The following KIF26B variants were observed in gnomAD, a reference collection of about 807,000 sequenced individuals.
KIF26B encodes kinesin-like protein KIF26B.
In KIF26B, 63 loss-of-function variants were observed where a neutral mutation model predicts 151.2. That is an observed-to-expected ratio of 0.42 (90% confidence interval 0.34 to 0.51). The LOEUF is 0.51. Ranked by LOEUF, KIF26B falls within the 20% of genes least tolerant of loss-of-function variation. The pLI, the probability that KIF26B is intolerant of heterozygous loss-of-function variation, is 0.07. For synonymous variants in KIF26B, 1,357 were observed against 1,262.1 expected, an observed-to-expected ratio of 1.08 and a Z score of -1.59; for missense variants, 2,813 against 2,913.6, an observed-to-expected ratio of 0.97 and a Z score of 0.79.
intron 4 of KIF26B, among the ~76,000 whole-genome samples, chr1:245,423,806 T>C (rs1658558652): frequency 6.6e-6 from 1 of 152,190 alleles, no homozygotes; most frequent in Non-Finnish European, 1.5e-5. Context: ...TTCTCTGTGA[T>C]ATTAACCTTT....
At chr1:245,427,556 C>T (rs1658677189) in intron 4 of KIF26B, among the ~76,000 whole-genome samples, 1 of 152,100 alleles carries the variant, frequency 6.6e-6, no homozygotes, top group Non-Finnish European at 1.5e-5. Context: ...TGCGGTGAGC[C>T]AAGATCACGC....
intron 10 of KIF26B, among the ~76,000 whole-genome samples, chr1:245,672,069 AACAC>A (rs753691441): frequency 2.6e-5 from 4 of 152,152 alleles, no homozygotes; most frequent in Non-Finnish European, 5.9e-5. Context: ...TCAATGAAGT[AACAC>A]ACACAGCCAC....
At chr1:245,331,198 G>A (rs538152764) in intron 2 of KIF26B, among the ~76,000 whole-genome samples, 125 of 152,188 alleles carry the variant, frequency 8.2e-4, no homozygotes, top group African/African-American at 2.9e-3. Context: ...GCGAGTGACC[G>A]AGACATGGAT....
intron 4 of KIF26B, among the ~76,000 whole-genome samples, chr1:245,521,301 C>T (rs1404877937): frequency 1.3e-5 from 2 of 150,840 alleles, no homozygotes; most frequent in Non-Finnish European, 2.9e-5. Flanking sequence ...CGCACCACTG[C>T]ACTCCATCCA....
chr1:245,335,623 A>G (rs536125783), intron 2 of KIF26B, among the ~76,000 whole-genome samples: 2 of 150,554 alleles, frequency 1.3e-5, no homozygotes, highest in South Asian at 2.1e-4. Context: ...GGAGAGTCCC[A>G]CGAGGGGAAA....
rs761825375 is a variant in KIF26B at position 245,218,554 on chromosome 1, T to C, written c.465+61871T>C. Among the ~76,000 whole-genome samples the C allele has an allele frequency of 2.0e-5, 3 of 152,278 alleles. No homozygotes were observed. The highest frequency in any genetic ancestry group is 2.1e-4 in the South Asian group (1 of 4,822). The stretch of plus-strand genomic sequence containing the variant: ...GGGAGATCTGAATATCAACTCTCTA[T>C]GGAAGAACAAGAACCGAGGTGTCTC... On this transcript the variant is annotated intron_variant, in intron 2 of 14. Coordinates refer to ENST00000407071, the MANE Select transcript of KIF26B (RefSeq NM_018012.4). This position sits in a 1 kb window ranked among gnomAD's most constrained non-coding sequence, Gnocchi z 4.1.
At chr1:245,424,542 G>A (rs61627902) in intron 4 of KIF26B, among the ~76,000 whole-genome samples, 15,860 of 152,192 alleles carry the variant, frequency 0.1, 896 homozygotes, top group African/African-American at 0.14. Flanking sequence ...TGTGGGTGGA[G>A]GTCTGGGTGA....
At chr1:245,683,862 G>A (rs982189840) in intron 10 of KIF26B, among the ~76,000 whole-genome samples, 62 of 152,280 alleles carry the variant, frequency 4.1e-4, no homozygotes, top group African/African-American at 1.4e-3. Flanking sequence ...AAGGCCACAC[G>A]TGCAGTCAGC....
intron 2 of KIF26B, among the ~76,000 whole-genome samples, chr1:245,309,571 C>CT (rs1285089504): frequency 1.3e-5 from 2 of 151,876 alleles, no homozygotes; most frequent in Middle Eastern, 3.2e-3. Flanking sequence ...GGGTCGCCAG[C>CT]TGGCCAACTG....
intron 5 of KIF26B, among the ~76,000 whole-genome samples, chr1:245,554,413 C>T (rs553828661): frequency 1.3e-5 from 2 of 152,330 alleles, no homozygotes; most frequent in South Asian, 4.1e-4. Flanking sequence ...CTTAGTCCAT[C>T]TGGTCATCCA....
At chr1:245,415,008 T>C (rs1485942531) in intron 3 of KIF26B, among the ~76,000 whole-genome samples, 1 of 152,156 alleles carries the variant, frequency 6.6e-6, no homozygotes, top group African/African-American at 2.4e-5. Flanking sequence ...TTTGGACCAA[T>C]CATCGGACTC....
In KIF26B at chr1:245,699,018, C is replaced by T; in HGVS notation, c.6159C>T (p.Pro2053=). 1 of 1,613,838 alleles carries T rather than the reference C, an allele frequency of 6.2e-7. No homozygotes were observed. Among genetic ancestry groups the T allele is most frequent in the South Asian group, 1.1e-5 (1 of 91,050 alleles). The change falls in exon 14 of 15, where the codon CCC becomes CCT. Residue 2053 remains proline (P), a synonymous_variant. Coordinates refer to ENST00000407071, the MANE Select transcript of KIF26B (RefSeq NM_018012.4). ...EATKQYLMLD[P]NKWLSEFDLE... ...CCAAACAGTATCTGATGCTGGATCC[C>T]AACAAGTGGCTCAGTGAATGTAAGG...
At chr1:245,160,259 C>T (rs904765453) in intron 2 of KIF26B, among the ~76,000 whole-genome samples, 1 of 152,140 alleles carries the variant, frequency 6.6e-6, no homozygotes, top group Non-Finnish European at 1.5e-5. Flanking sequence ...GGGTTTATAT[C>T]GTTTCTCTTT....
intron 5 of KIF26B, among the ~76,000 whole-genome samples, chr1:245,571,873 G>T (rs2043069128): frequency 6.6e-6 from 1 of 152,200 alleles, no homozygotes; most frequent in Non-Finnish European, 1.5e-5. Context: ...TCAGGCGCTT[G>T]TAAGAGCCAG....
At chr1:245,510,831 GA>G (rs1036798984) in intron 4 of KIF26B, among the ~76,000 whole-genome samples, 2 of 152,174 alleles carry the variant, frequency 1.3e-5, no homozygotes, top group Non-Finnish European at 2.9e-5. Flanking sequence ...AGCAGGGGCT[GA>G]GCTGCACTGG....
At chr1:245,529,431 G>GC (rs769460405) in intron 4 of KIF26B, among the ~76,000 whole-genome samples, 4 of 152,110 alleles carry the variant, frequency 2.6e-5, no homozygotes, top group Non-Finnish European at 5.9e-5. Flanking sequence ...TGAGACAAAA[G>GC]CCCCCAGCAA....
At chr1:245,665,334 G>A (rs2044200882) in intron 10 of KIF26B, among the ~76,000 whole-genome samples, 1 of 152,152 alleles carries the variant, frequency 6.6e-6, no homozygotes, top group Non-Finnish European at 1.5e-5. Context: ...CAAAACTGGA[G>A]TACTTTTTTT....
chr1:245,520,634 A>G (rs1279820867), intron 4 of KIF26B, among the ~76,000 whole-genome samples: 1 of 151,346 alleles, frequency 6.6e-6, no homozygotes, highest in Admixed American at 6.6e-5. Flanking sequence ...CCATCCATCC[A>G]TCCATCCATC....
intron 2 of KIF26B, among the ~76,000 whole-genome samples, chr1:245,323,355 T>G (rs1671923254): frequency 2.0e-5 from 3 of 152,206 alleles, no homozygotes; most frequent in African/African-American, 7.2e-5. Context: ...TTATGGTTCC[T>G]GAAACTTGAT....
Sources: gnomAD v4.1 joint callset for allele counts (sites outside exome capture counted in the v4.1 genomes callset) on GRCh38, gnomAD v4.1.1 for gene constraint, Gnocchi (gnomAD v3.1) non-coding constraint, MANE v1.5 for transcripts, NCBI Gene and HGNC (gene_info 2026-07-23, HGNC 2026-07-21) for gene names.